Variants in TMIGD3 observed in about 807,000 individuals in gnomAD.
TMIGD3 encodes the protein AD026 protein (AD026).
A neutral mutation model predicts 28.1 loss-of-function variants in TMIGD3; 21 were observed. The observed-to-expected ratio is 0.75, with a 90% confidence interval of 0.53 to 1.08. The LOEUF (loss-of-function observed/expected upper bound fraction) is 1.08. Among genes scored for constraint, TMIGD3 ranks in the 50% least tolerant of loss-of-function variants. The pLI is 0.00. For missense variants in TMIGD3, 416 were observed against 435.6 expected, an observed-to-expected ratio of 0.96 and a Z score of 0.40; for synonymous variants, 151 against 162.1, an observed-to-expected ratio of 0.93 and a Z score of 0.52.
At chr1:111,542,354 T>C in intron 1 of TMIGD3, 1 of 345,968 alleles carries the variant, frequency 2.9e-6, no homozygotes, top group Non-Finnish European at 6.0e-6. Context: ...TCCACGTGGG[T>C]GAAGGACTGT....
chr1:111,520,431 G>A (rs996271007), intron 1 of TMIGD3, among the ~76,000 whole-genome samples: 2 of 152,222 alleles, frequency 1.3e-5, no homozygotes, highest in African/African-American at 2.4e-5. Flanking sequence ...TGGCAAAAGG[G>A]TGAGAGTAAA....
chr1:111,553,704 T>C (rs1173268112), intron 1 of TMIGD3, among the ~76,000 whole-genome samples: 1 of 152,212 alleles, frequency 6.6e-6, no homozygotes, highest in Non-Finnish European at 1.5e-5. Flanking sequence ...ACACGTATAC[T>C]GTGATGTTCC....
At chr1:111,506,735 T>G (rs1458527924), upstream of TMIGD3, among the ~76,000 whole-genome samples, 1 of 151,508 alleles carries the variant, frequency 6.6e-6, no homozygotes, top group Non-Finnish European at 1.5e-5. Flanking sequence ...ACAAGTATAA[T>G]GTAGATTTGG....
In TMIGD3 at chr1:111,503,254, A is replaced by T. The variant is rs1655346301; in HGVS notation, c.101T>A (p.Ile34Asn). The change falls in exon 1 of 6, where the codon ATC (isoleucine) becomes AAC (asparagine). Residue 34 changes from isoleucine to asparagine, a missense_variant. Transcript: ENST00000369716. ...GCTGGGGTTCAGCTTGACCACGCAG[A>T]TGACCAGCACGTTGCCCACTATGGC... ...LCAIVGNVLV[I>N]CVVKLNPSLQ... 2 of 1,614,250 alleles carry T rather than the reference A, an allele frequency of 1.2e-6. No homozygotes were observed. The highest frequency in any genetic ancestry group is 1.7e-5 in the Admixed American group (1 of 60,018).
chr1:111,500,357 T>G (rs774683122), intron 1 of TMIGD3: 18 of 1,613,998 alleles, frequency 1.1e-5, no homozygotes, highest in Middle Eastern at 1.6e-4. Flanking sequence ...AAAATCCAGG[T>G]GAGGAAGCTG....
At chr1:111,502,907 A>C in intron 1 of TMIGD3, 98 bp downstream of exon 1, 2 of 1,462,986 alleles carry the variant, frequency 1.4e-6, no homozygotes, top group Non-Finnish European at 1.8e-6. Flanking sequence ...ATCAAGGGCC[A>C]ATTTGGATAC....
chr1:111,547,577 C>A (rs1322966841), intron 1 of TMIGD3, among the ~76,000 whole-genome samples: 1 of 152,096 alleles, frequency 6.6e-6, no homozygotes, highest in Non-Finnish European at 1.5e-5. Context: ...TAGTTCATCC[C>A]TAGAGAACTG....
chr1:111,483,634 G>C lies in TMIGD3; in HGVS notation c.*53C>G. 7.1e-7 allele frequency: 1 copy of C among 1,402,926 alleles called. No individual in the cohort carries two copies. The highest frequency in any genetic ancestry group is 1.2e-5 in the South Asian group (1 of 85,036). The allele number at this position is 1,402,926 out of a possible 1,614,324, so 86.9% of individuals were successfully genotyped here. On this transcript the variant is annotated 3_prime_UTR_variant, in exon 6 of 6. Transcript: ENST00000369716. ...TCTGAGGTGTGGGCCAGTTGTCATG[G>C]TGATTATTCTGTTGTAGCATCACTT...
intron 1 of TMIGD3, among the ~76,000 whole-genome samples, chr1:111,519,047 T>C (rs1655963608): frequency 6.6e-6 from 1 of 152,200 alleles, no homozygotes; most frequent in Admixed American, 6.5e-5. Flanking sequence ...CAAGCGATTC[T>C]CCTGCCTCAT....
chr1:111,532,461 G>A (rs973765674), intron 1 of TMIGD3, among the ~76,000 whole-genome samples: 2 of 152,138 alleles, frequency 1.3e-5, no homozygotes, highest in Non-Finnish European at 2.9e-5. Context: ...TCTTGGACTT[G>A]GCTGATAGTC....
rs377061127 is a variant in TMIGD3, at chr1:111,503,125, G to A, written c.230C>T (p.Thr77Ile). The A allele has an allele frequency of 8.1e-6, 13 of 1,614,092 alleles. No homozygotes were observed. The highest frequency in any genetic ancestry group is 1.1e-5 in the Non-Finnish European group (13 of 1,180,034). The change falls in exon 1 of 6, where the codon ACA becomes ATA. Residue 77 changes from threonine (T) to isoleucine (I), a missense_variant. By Grantham distance (89) the Thr-to-Ile change is moderately conservative. Transcript: ENST00000369716. ...PLAIVVSLGI[T>I]IHFYSCLFMT... ...AAAAAGGCAGCTGTAGAAGTGGATT[G>A]TGATGCCCAGGCTGACAACAATGGC... is the stretch of plus-strand genomic sequence containing the variant.
At chr1:111,514,502 A>T (rs1350902166) in intron 1 of TMIGD3, among the ~76,000 whole-genome samples, 1 of 152,094 alleles carries the variant, frequency 6.6e-6, no homozygotes, top group African/African-American at 2.4e-5. Context: ...TGCAGTAAGC[A>T]AGGATCACAC....
At chr1:111,515,879 C>T (rs1390888041) in intron 1 of TMIGD3, among the ~76,000 whole-genome samples, 1 of 152,210 alleles carries the variant, frequency 6.6e-6, no homozygotes, top group African/African-American at 2.4e-5. Flanking sequence ...GAGGGGTGTT[C>T]CCCGCAGCTC....
chr1:111,491,051 G>A (rs775999539), intron 1 of TMIGD3, among the ~76,000 whole-genome samples: 2 of 152,224 alleles, frequency 1.3e-5, no homozygotes, highest in African/African-American at 4.8e-5. Context: ...GCTCTACTAT[G>A]CCCTGTCCTG....
At chr1:111,541,929 G>C (rs1656841742) in intron 1 of TMIGD3, among the ~76,000 whole-genome samples, 1 of 152,162 alleles carries the variant, frequency 6.6e-6, no homozygotes, top group Non-Finnish European at 1.5e-5. Flanking sequence ...TGAAACAAAA[G>C]ATCCACTGCC....
intron 1 of TMIGD3, among the ~76,000 whole-genome samples, chr1:111,553,049 T>G (rs927973311): frequency 6.6e-6 from 1 of 152,196 alleles, no homozygotes; most frequent in African/African-American, 2.4e-5. Flanking sequence ...CCCAAACACT[T>G]CATATTCAGA....
intron 1 of TMIGD3, among the ~76,000 whole-genome samples, chr1:111,554,502 AC>A (rs1226363426): frequency 2.6e-5 from 4 of 152,240 alleles, no homozygotes; most frequent in Non-Finnish European, 4.4e-5. Flanking sequence ...TTCAGTGGCC[AC>A]TTGGCTACAG....
Position 111,488,795 on chromosome 1 carries a change from G to A in TMIGD3, c.687C>T (p.Asp229=), listed in dbSNP as rs764529068. ...GGATGCCACACCAGTACCAGCCCGT[G>A]TCCTCTTTGGTCAGGCAGGACATAG... is the stretch of plus-strand genomic sequence containing the variant. ...IVTMSCLTKE[D]TGWYWCGIQR... The change falls in exon 3 of 6, where the codon GAC becomes GAT. Residue 229 remains aspartate, a synonymous_variant. Coordinates refer to ENST00000369716, the MANE Select transcript of TMIGD3 (RefSeq NM_020683.7). The A allele has an allele frequency of 6.2e-7, 1 of 1,614,200 alleles. No individual in the cohort carries two copies. Among genetic ancestry groups the A allele is most frequent in the East Asian group, 2.2e-5 (1 of 44,890 alleles).
chr1:111,500,317 T>A (rs755987513), intron 1 of TMIGD3: 3 of 1,614,214 alleles, frequency 1.9e-6, no homozygotes, highest in Non-Finnish European at 2.5e-6. Context: ...GATGTCAAGA[T>A]AGATGGCGCA....
Sources: allele counts gnomAD v4.1 joint callset (sites outside exome capture counted in the v4.1 genomes callset), GRCh38; gene constraint gnomAD v4.1.1; transcripts MANE v1.5; gene names NCBI Gene and HGNC (gene_info 2026-07-23, HGNC 2026-07-21).